Variants in GRIA4 observed in about 807,000 individuals in gnomAD.
GRIA4 encodes the protein glutamate receptor 4.
In GRIA4, 34 loss-of-function variants were observed where a neutral mutation model predicts 104.0. That is an observed-to-expected ratio of 0.33 (90% CI 0.25 to 0.44). The LOEUF (loss-of-function observed/expected upper bound fraction) is 0.44. Among genes scored for constraint, GRIA4 ranks in the 20% least tolerant of loss-of-function variants. The pLI, the probability that GRIA4 is intolerant of heterozygous loss-of-function variation, is 1.00. For synonymous variants in GRIA4, 386 were observed against 381.9 expected, an observed-to-expected ratio of 1.01 and a Z score of -0.13; for missense variants, 750 against 1,096.5, an observed-to-expected ratio of 0.68 and a Z score of 4.46.
chr11:105,828,268 C>T (rs895212554), intron 4 of GRIA4, among the ~76,000 whole-genome samples: 1 of 151,966 alleles, frequency 6.6e-6, no homozygotes, highest in African/African-American at 2.4e-5. Context: ...GAAAATAAAA[C>T]CTCCAAGACT....
chr11:105,797,856 G>A (rs2135826156), intron 4 of GRIA4: 1 of 450,218 alleles, frequency 2.2e-6, no homozygotes, highest in Non-Finnish European at 4.5e-6. Context: ...CTAGCACAGA[G>A]CTCAATGTAT....
At chr11:105,652,856 G>C (rs1951721641) in intron 3 of GRIA4, among the ~76,000 whole-genome samples, 1 of 152,072 alleles carries the variant, frequency 6.6e-6, no homozygotes, top group Non-Finnish European at 1.5e-5. Flanking sequence ...ACAGATGGAA[G>C]ATTTGTTCTT....
intron 3 of GRIA4, among the ~76,000 whole-genome samples, chr11:105,616,698 G>A (rs1321937611): frequency 6.6e-6 from 1 of 151,590 alleles, no homozygotes; most frequent in East Asian, 1.9e-4. Context: ...AAATTCTGAT[G>A]ATTTGACTTG....
intron 4 of GRIA4, among the ~76,000 whole-genome samples, chr11:105,813,951 T>G (rs1943277689): frequency 6.6e-6 from 1 of 152,142 alleles, no homozygotes; most frequent in African/African-American, 2.4e-5. Context: ...TCAGGTGATA[T>G]TTCTGCTAAG....
chr11:105,615,820 T>A (rs1366931704), intron 3 of GRIA4, among the ~76,000 whole-genome samples: 1 of 151,784 alleles, frequency 6.6e-6, no homozygotes, highest in Non-Finnish European at 1.5e-5. Flanking sequence ...ATATTTTGAT[T>A]TGGAGGATGA....
chr11:105,861,348 C>A (rs1945218048), intron 4 of GRIA4, among the ~76,000 whole-genome samples: 1 of 152,126 alleles, frequency 6.6e-6, no homozygotes, highest in Non-Finnish European at 1.5e-5. Context: ...TCCGGCTACA[C>A]ACTTTTTAAA....
intron 3 of GRIA4, among the ~76,000 whole-genome samples, chr11:105,644,558 C>T (rs1003074363): frequency 2.6e-5 from 4 of 151,974 alleles, no homozygotes; most frequent in African/African-American, 9.7e-5. Flanking sequence ...GAGCTGAGAT[C>T]GTGCAATCGC....
At chr11:105,906,571 T>C (rs1364061921) in intron 9 of GRIA4, among the ~76,000 whole-genome samples, 1 of 152,194 alleles carries the variant, frequency 6.6e-6, no homozygotes, top group Non-Finnish European at 1.5e-5. Context: ...TGCTTCTGTA[T>C]CTGTGAGAAG....
chr11:105,963,037 T>C (rs1948779979), intron 14 of GRIA4, among the ~76,000 whole-genome samples: 1 of 152,156 alleles, frequency 6.6e-6, no homozygotes, highest in Admixed American at 6.5e-5. Context: ...TCTGAAATAT[T>C]TGAAGGGGAT....
intron 5 of GRIA4, among the ~76,000 whole-genome samples, chr11:105,878,679 C>T (rs1295321336): frequency 6.6e-6 from 1 of 152,184 alleles, no homozygotes; most frequent in African/African-American, 2.4e-5. Flanking sequence ...GTGTGCTCCG[C>T]CCAGTTCAAA....
At chr11:105,763,784 C>G (rs758368804) in intron 4 of GRIA4, among the ~76,000 whole-genome samples, 3 of 152,228 alleles carry the variant, frequency 2.0e-5, no homozygotes, top group Non-Finnish European at 4.4e-5. Context: ...AGACATTCCT[C>G]TCTGGACCTT....
chr11:105,633,369 A>G (rs946601347), intron 3 of GRIA4, among the ~76,000 whole-genome samples: 1 of 152,232 alleles, frequency 6.6e-6, no homozygotes. Context: ...CAATCTGTTC[A>G]ATAGACTATG....
intron 3 of GRIA4, among the ~76,000 whole-genome samples, chr11:105,708,236 A>G (rs1255903514): frequency 6.6e-6 from 1 of 152,102 alleles, no homozygotes; most frequent in Non-Finnish European, 1.5e-5. Flanking sequence ...ATAAAGGGGG[A>G]ATGAGAAAGT....
At chr11:105,682,666 A>G (rs1952748497) in intron 3 of GRIA4, among the ~76,000 whole-genome samples, 1 of 152,046 alleles carries the variant, frequency 6.6e-6, no homozygotes, top group African/African-American at 2.4e-5. Flanking sequence ...TCATGCTCAG[A>G]TTTTTCTTTT....
intron 4 of GRIA4, among the ~76,000 whole-genome samples, chr11:105,785,965 T>G (rs771103099): frequency 5.3e-5 from 8 of 151,814 alleles, no homozygotes; most frequent in Non-Finnish European, 1.0e-4. Context: ...GACAACACAG[T>G]GAAACCCCGT....
In GRIA4 at chr11:105,729,964, C is replaced by T. The variant is rs192530896; in HGVS notation, c.248-23017C>T. On this transcript the variant is annotated intron_variant, in intron 3 of 16. Coordinates refer to ENST00000282499, the MANE Select transcript of GRIA4 (RefSeq NM_000829.4). ...AGCTGGAAGCATTCCCTTAGAAAAC[C>T]GGCACAAGACGAGGATGCCCTCTCT... 3.3e-5 allele frequency among the ~76,000 whole-genome samples: 5 copies of T among 152,204 alleles called. No individual in the cohort carries two copies. In the East Asian group the frequency reaches 5.8e-4, roughly 18 times the overall value.
intron 14 of GRIA4, among the ~76,000 whole-genome samples, chr11:105,970,079 T>A (rs1591499156): frequency 6.6e-6 from 1 of 151,972 alleles, no homozygotes; most frequent in South Asian, 2.1e-4. Context: ...TTAACCATAA[T>A]CCTCAACTCA....
chr11:105,621,894 G>A (rs1236451909), intron 3 of GRIA4, among the ~76,000 whole-genome samples: 1 of 151,770 alleles, frequency 6.6e-6, no homozygotes, highest in Admixed American at 6.6e-5. Flanking sequence ...TTGTCCTGAA[G>A]GGTGAGGATG....
Position 105,898,333 on chromosome 11 carries a change from T to C in GRIA4, c.791T>C (p.Leu264Ser), listed in dbSNP as rs751528353. The C allele has an allele frequency of 6.4e-7, 1 of 1,572,342 alleles. No individual in the cohort carries two copies. The highest frequency in any genetic ancestry group is 1.7e-5 in the Admixed American group (1 of 59,942). Reference protein sequence around the residue: ...HGGANVTGFQLVDFNTPMVIK... With the variant: ...HGGANVTGFQSVDFNTPMVIK... ...GGAGCCAATGTTACTGGATTCCAGT[T>C]GGTGGATTTTAATACACCTATGGTA... The change falls in exon 7 of 17, where the codon TTG becomes TCG. Residue 264 changes from leucine (L) to serine (S), a missense_variant. By Grantham distance (145) the Leu-to-Ser change is moderately radical. Around this residue, in one of 3 missense-constraint regions of GRIA4, gnomAD observed 410 missense variants for 502.7 expected, o/e 0.82. Coordinates refer to ENST00000282499, the MANE Select transcript of GRIA4 (RefSeq NM_000829.4).
Sources: allele counts gnomAD v4.1 joint callset (sites outside exome capture counted in the v4.1 genomes callset), GRCh38; gene constraint gnomAD v4.1.1; regional missense constraint gnomAD v4.1.1; transcripts MANE v1.5; gene names NCBI Gene and HGNC (gene_info 2026-07-23, HGNC 2026-07-21).